Variants in GALNT18 observed in about 807,000 individuals in gnomAD.
The protein encoded by GALNT18 is GalNAc-transferase 18.
In GALNT18, 44 loss-of-function variants were observed where a neutral mutation model predicts 69.5. That is an observed-to-expected ratio of 0.63 (90% CI 0.50 to 0.81). The LOEUF is 0.81. GALNT18 is among the 40% of genes least tolerant of loss of function. The pLI, the probability that GALNT18 is intolerant of heterozygous loss-of-function variation, is 0.00. For missense variants in GALNT18, 715 were observed against 810.0 expected (o/e 0.88, Z 1.42); for synonymous variants, 364 against 318.2 (o/e 1.14, Z -1.53).
intron 1 of GALNT18, among the ~76,000 whole-genome samples, chr11:11,495,643 A>G (rs1050402636): frequency 3.3e-5 from 5 of 152,236 alleles, no homozygotes; most frequent in Admixed American, 1.3e-4. Flanking sequence ...AGCAAGCAGT[A>G]ACACCCAGAA....
chr11:11,368,776 C>A (rs533058119), intron 6 of GALNT18, among the ~76,000 whole-genome samples: 1 of 152,280 alleles, frequency 6.6e-6, no homozygotes, highest in Admixed American at 6.5e-5. Context: ...ATATAACCTA[C>A]TTTATATTCC....
Position 11,470,645 on chromosome 11 carries a change from T to A in GALNT18, c.236-21709A>T, listed in dbSNP as rs1207211946. 1.3e-5 allele frequency among the ~76,000 whole-genome samples: 2 copies of A among 152,130 alleles called. No homozygotes were observed. The highest frequency in any genetic ancestry group is 2.9e-5 in the Non-Finnish European group (2 of 68,034). ...CTGAGATATTGGCAGAGACAGGGGA[T>A]TGACTGAAAGACCCCTTTCAGGCTC... is the stretch of plus-strand genomic sequence containing the variant. On this transcript the variant is annotated intron_variant, in intron 1 of 10. Coordinates refer to ENST00000227756, the MANE Select transcript of GALNT18 (RefSeq NM_198516.3). This position sits in a 1 kb window ranked among gnomAD's most constrained non-coding sequence, Gnocchi z 4.8.
chr11:11,583,271 A>G lies in GALNT18; in HGVS notation c.235+38088T>C, dbSNP rs563824532. ...AAGACCATCCTGGGGCTATTTCTCA[A>G]AGCAGCTGGTCCTTCTAGATGCTAG... On this transcript the variant is annotated intron_variant, in intron 1 of 10. Coordinates refer to ENST00000227756, the MANE Select transcript of GALNT18 (RefSeq NM_198516.3). The surrounding 1 kb of genome is among the most constrained non-coding windows in gnomAD (Gnocchi z 4.7). Among the ~76,000 whole-genome samples, 1 of 152,194 alleles carries G rather than the reference A, an allele frequency of 6.6e-6. No homozygotes were observed. Among genetic ancestry groups the G allele is most frequent in the East Asian group, 1.9e-4 (1 of 5,182 alleles).
At position 11,605,497 on chromosome 11, in the gene GALNT18, A is replaced by G. The variant is rs1231476456; in HGVS notation, c.235+15862T>C. Among the ~76,000 whole-genome samples the G allele has an allele frequency of 1.3e-5, 2 of 152,208 alleles. No individual in the cohort carries two copies. Among genetic ancestry groups the G allele is most frequent in the African/African-American group, 4.8e-5 (2 of 41,462 alleles). ...GTGGAGTCCATTCTGAGGTTCTCAC[A>G]GACCTCGGGGTGAACAGGAGGCCCT... is the stretch of plus-strand genomic sequence containing the variant. On this transcript the variant is annotated intron_variant, in intron 1 of 10. Coordinates refer to ENST00000227756, the MANE Select transcript of GALNT18 (RefSeq NM_198516.3). The surrounding 1 kb of genome is among the most constrained non-coding windows in gnomAD (Gnocchi z 4.7).
At chr11:11,403,155 C>T (rs892730125) in intron 3 of GALNT18, among the ~76,000 whole-genome samples, 2 of 152,188 alleles carry the variant, frequency 1.3e-5, no homozygotes, top group African/African-American at 4.8e-5. Flanking sequence ...TGACCTTGAA[C>T]TTGCGGCATC....
rs1860096629 is a variant in GALNT18 at position 11,617,921 on chromosome 11, G to C, written c.235+3438C>G. 6.6e-6 allele frequency among the ~76,000 whole-genome samples: 1 copy of C among 152,064 alleles called. No homozygotes were observed. Among genetic ancestry groups the C allele is most frequent in the Admixed American group, 6.5e-5 (1 of 15,280 alleles). On this transcript the variant is annotated intron_variant, in intron 1 of 10. Transcript: ENST00000227756. This position sits in a 1 kb window ranked among gnomAD's most constrained non-coding sequence, Gnocchi z 4.7. ...TTACTTTGTGTTTCTAAACCCCCAG[G>C]ATGCTTTTTTTAAAAACTCATAAGT...
At chr11:11,516,122 G>A (rs1857270438) in intron 1 of GALNT18, among the ~76,000 whole-genome samples, 1 of 152,210 alleles carries the variant, frequency 6.6e-6, no homozygotes, top group African/African-American at 2.4e-5. Context: ...CCCCTGATCA[G>A]GCACAGGGCC....
At position 11,618,368 on chromosome 11, in the gene GALNT18, C is replaced by T. The variant is rs12283371; in HGVS notation, c.235+2991G>A. Among the ~76,000 whole-genome samples, 49,873 of 152,044 alleles carry T rather than the reference C, an allele frequency of 0.33. 8,355 individuals are homozygous for T. Among genetic ancestry groups the T allele is most frequent in the Non-Finnish European group, 0.38 (25,828 of 67,974 alleles). On this transcript the variant is annotated intron_variant, in intron 1 of 10. Transcript: ENST00000227756. This position sits in a 1 kb window ranked among gnomAD's most constrained non-coding sequence, Gnocchi z 6.1. ...GCTTCCACCCCACAGCTACTTTCTG[C>T]AGAATGTGCCAGGGACTGTCCTGCA... is the stretch of plus-strand genomic sequence containing the variant.
chr11:11,350,955 C>T (rs1489915731), intron 6 of GALNT18, among the ~76,000 whole-genome samples: 1 of 152,150 alleles, frequency 6.6e-6, no homozygotes, highest in Non-Finnish European at 1.5e-5. Flanking sequence ...GCTGCTGTTT[C>T]AGTCTGTGAT....
chr11:11,552,226 C>A (rs1162688529), intron 1 of GALNT18, among the ~76,000 whole-genome samples: 1 of 152,222 alleles, frequency 6.6e-6, no homozygotes, highest in African/African-American at 2.4e-5. Context: ...ATGAGCCATG[C>A]ATGTGAGAAT....
intron 3 of GALNT18, among the ~76,000 whole-genome samples, chr11:11,380,666 T>C (rs1564920282): frequency 6.6e-6 from 1 of 152,264 alleles, no homozygotes; most frequent in Non-Finnish European, 1.5e-5. Flanking sequence ...CCCATCTCTG[T>C]GGATGCGGGT....
chr11:11,453,703 C>T (rs926725484), intron 1 of GALNT18, among the ~76,000 whole-genome samples: 7 of 152,080 alleles, frequency 4.6e-5, no homozygotes, highest in East Asian at 1.9e-4. Context: ...AGAGATCTGA[C>T]GGTTTTATAA....
intron 1 of GALNT18, among the ~76,000 whole-genome samples, chr11:11,554,936 C>T (rs2133974324): frequency 6.6e-6 from 1 of 152,296 alleles, no homozygotes; most frequent in South Asian, 2.1e-4. Context: ...AGTGGAACAA[C>T]AGGGCTGGTC....
At chr11:11,376,636 C>T (rs551002031) in intron 5 of GALNT18, among the ~76,000 whole-genome samples, 2 of 152,154 alleles carry the variant, frequency 1.3e-5, no homozygotes, top group African/African-American at 4.8e-5. Context: ...TCAGCCCCTC[C>T]ACCCCTACTG....
intron 6 of GALNT18, chr11:11,352,467 A>G: frequency 6.2e-7 from 1 of 1,614,174 alleles, no homozygotes; most frequent in South Asian, 1.1e-5. Flanking sequence ...CATACAACCC[A>G]ATCTCCACAT....
chr11:11,307,748 C>G (rs1282983367), intron 9 of GALNT18, among the ~76,000 whole-genome samples: 1 of 20,468 alleles, frequency 4.9e-5, no homozygotes, highest in South Asian at 6.7e-4. Flanking sequence ...GCATCCTTGA[C>G]CCCCCCAAGG....
intron 10 of GALNT18, among the ~76,000 whole-genome samples, chr11:11,289,257 T>C (rs561700257): frequency 5.3e-5 from 8 of 152,268 alleles, no homozygotes; most frequent in African/African-American, 1.9e-4. Flanking sequence ...AATTATTAAA[T>C]AGCAAGTGAG....
intron 1 of GALNT18, among the ~76,000 whole-genome samples, chr11:11,570,922 G>A (rs572235287): frequency 2.0e-5 from 3 of 152,158 alleles, no homozygotes; most frequent in Non-Finnish European, 4.4e-5. Context: ...TTAAACCCAT[G>A]CTATATTAAA....
intron 6 of GALNT18, among the ~76,000 whole-genome samples, chr11:11,366,676 T>A (rs1850777198): frequency 6.6e-6 from 1 of 152,214 alleles, no homozygotes; most frequent in Non-Finnish European, 1.5e-5. Flanking sequence ...GCCATTGTTA[T>A]TTAGCTGATA....
Sources: gnomAD v4.1 joint callset for allele counts (sites outside exome capture counted in the v4.1 genomes callset) on GRCh38, gnomAD v4.1.1 for gene constraint, Gnocchi (gnomAD v3.1) non-coding constraint, MANE v1.5 for transcripts, NCBI Gene and HGNC (gene_info 2026-07-23, HGNC 2026-07-21) for gene names.